Variants in ROCK2 observed in about 807,000 individuals in gnomAD.
ROCK2 encodes Rho associated coiled-coil containing protein kinase 2.
ROCK2 carries 61 observed loss-of-function variants against 195.1 expected under a neutral mutation model. That is an observed-to-expected ratio of 0.31 (90% CI 0.25 to 0.39). ROCK2 has a LOEUF of 0.39. ROCK2 is among the 10% of genes least tolerant of loss of function. The probability of loss-of-function intolerance (pLI) is 1.00; values close to 1 mark genes in which losing one functional copy is unlikely to be tolerated. For synonymous variants in ROCK2, 504 were observed against 545.5 expected, an observed-to-expected ratio of 0.92 and a Z score of 1.06; for missense variants, 1,109 against 1,637.4, an observed-to-expected ratio of 0.68 and a Z score of 5.57.
At chr2:11,236,716 CACAG>C (rs1293272094) in intron 4 of ROCK2, among the ~76,000 whole-genome samples, 5 of 152,114 alleles carry the variant, frequency 3.3e-5, no homozygotes, top group African/African-American at 1.2e-4. Flanking sequence ...ACAAGTCTTC[CACAG>C]ACAAACAGGG....
At chr2:11,217,326 A>G (rs778601709) in intron 11 of ROCK2, 157 bp from the exon 12 acceptor site, 1 of 721,882 alleles carries the variant, frequency 1.4e-6, no homozygotes, top group Admixed American at 1.7e-5. Flanking sequence ...ACTTATATTG[A>G]TAAAAGGAAA....
chr2:11,224,569 A>G, intron 6 of ROCK2, 109 bp from the exon 7 acceptor site: 1 of 933,010 alleles, frequency 1.1e-6, no homozygotes, highest in South Asian at 1.4e-5. Context: ...GCAGGGAAGA[A>G]CAAATATTCT....
chr2:11,208,469 C>A, intron 18 of ROCK2, 22 bp from the exon 19 acceptor site: 1 of 1,372,922 alleles, frequency 7.3e-7, no homozygotes, highest in Admixed American at 2.4e-5. Context: ...AAAATGGACA[C>A]AATCATAAAT....
chr2:11,196,987 T>C (rs1241771301), intron 27 of ROCK2, among the ~76,000 whole-genome samples, 193 bp downstream of exon 27: 2 of 152,216 alleles, frequency 1.3e-5, no homozygotes, highest in African/African-American at 4.8e-5. Flanking sequence ...TTTGTATGTT[T>C]ATGAAAAACT....
At chr2:11,295,810 AGCC>A (rs560515335) in intron 1 of ROCK2, among the ~76,000 whole-genome samples, 233 of 152,110 alleles carry the variant, frequency 1.5e-3, no homozygotes, top group African/African-American at 5.5e-3. Flanking sequence ...TACAAAGATT[AGCC>A]AGGCGTGGTG....
Position 11,220,461 on chromosome 2 carries a change from C to G in ROCK2, c.1259+737G>C, listed in dbSNP as rs376148794. ...ACCACACCTGGCCTCAACATATTTT[C>G]TAATCTTACATCCAATACTCACTTC... On this transcript the variant is annotated intron_variant, in intron 9 of 32. Transcript: ENST00000315872. 3.9e-5 allele frequency among the ~76,000 whole-genome samples: 6 copies of G among 152,140 alleles called. No individual in the cohort carries two copies. In the East Asian group the frequency reaches 9.7e-4, roughly 24 times the overall value.
At chr2:11,297,800 C>T (rs1191664474) in intron 1 of ROCK2, among the ~76,000 whole-genome samples, 1 of 152,026 alleles carries the variant, frequency 6.6e-6, no homozygotes. Flanking sequence ...TCTCTGAGTA[C>T]CTTTATGAAC....
intron 5 of ROCK2, chr2:11,234,422 A>C (rs149308268): frequency 1.3e-5 from 2 of 152,188 alleles, no homozygotes; most frequent in African/African-American, 4.8e-5. Flanking sequence ...TATAGCAGAC[A>C]TAAGTTTAGC....
intron 1 of ROCK2, among the ~76,000 whole-genome samples, chr2:11,312,574 T>C (rs1027221528): frequency 6.6e-6 from 1 of 152,168 alleles, no homozygotes; most frequent in Non-Finnish European, 1.5e-5. Flanking sequence ...GGTTCTTTCA[T>C]TCAGTATAAT....
At chr2:11,196,703 C>A (rs553529341) in intron 27 of ROCK2, among the ~76,000 whole-genome samples, 2 of 152,042 alleles carry the variant, frequency 1.3e-5, no homozygotes, top group South Asian at 4.2e-4. Flanking sequence ...CATTAGGTTC[C>A]GATGAAATGG....
At chr2:11,255,668 C>T (rs1666004507) in intron 3 of ROCK2, among the ~76,000 whole-genome samples, 1 of 150,608 alleles carries the variant, frequency 6.6e-6, no homozygotes, top group Non-Finnish European at 1.5e-5. Context: ...ACCTGTGATC[C>T]CAGCACTTTG....
intron 25 of ROCK2, 40 bp downstream of exon 25, chr2:11,198,451 G>T: frequency 7.3e-7 from 1 of 1,371,764 alleles, no homozygotes; most frequent in South Asian, 1.2e-5. Context: ...GATAAACTGA[G>T]ACAAAATTCA....
At chr2:11,224,113 T>C (rs1047734592) in intron 7 of ROCK2, among the ~76,000 whole-genome samples, 1 of 152,128 alleles carries the variant, frequency 6.6e-6, no homozygotes, top group Non-Finnish European at 1.5e-5. Context: ...AGGGTTAAGG[T>C]TAGAGTTCGA....
rs1664627585 is a variant in ROCK2 at position 11,221,235 on chromosome 2, G to A, written c.1222C>T (p.Leu408=). The change falls in exon 9 of 33, where the codon CTG becomes TTG. Residue 408 remains leucine (L), a synonymous_variant. Coordinates refer to ENST00000315872, the MANE Select transcript of ROCK2 (RefSeq NM_004850.5). The part of the protein sequence containing the change: ...PIPKAFVGNQ[L]PFIGFTYYRE... ...TAGTAGGTAAATCCGATGAAAGGCA[G>A]CTGATTTCCAACAAAAGCTTTAGGA... 6.3e-7 allele frequency: 1 copy of A among 1,582,500 alleles called. No individual in the cohort carries two copies. Among genetic ancestry groups the A allele is most frequent in the African/African-American group, 1.4e-5 (1 of 73,556 alleles).
At chr2:11,206,465 A>C (rs528424639) in intron 20 of ROCK2, among the ~76,000 whole-genome samples, 5 of 152,326 alleles carry the variant, frequency 3.3e-5, no homozygotes, top group East Asian at 1.9e-4. Context: ...CAGAAAAAAA[A>C]CCCACAAAAA....
chr2:11,301,503 G>A (rs752255772), intron 1 of ROCK2, among the ~76,000 whole-genome samples: 15 of 151,986 alleles, frequency 9.9e-5, no homozygotes, highest in South Asian at 4.2e-4. Flanking sequence ...TCTGCTGGGC[G>A]CGGTGGCTCA....
At chr2:11,312,573 A>G (rs527506779) in intron 1 of ROCK2, among the ~76,000 whole-genome samples, 13 of 152,282 alleles carry the variant, frequency 8.5e-5, no homozygotes, top group African/African-American at 3.1e-4. Flanking sequence ...TGGTTCTTTC[A>G]TTCAGTATAA....
At position 11,294,162 on chromosome 2, in the gene ROCK2, A is replaced by C. The variant is rs186984421; in HGVS notation, c.142-6426T>G. Among the ~76,000 whole-genome samples the C allele has an allele frequency of 1.2e-3, 181 of 152,294 alleles. 1 individual carries two copies. Among genetic ancestry groups the C allele is most frequent in the African/African-American group, 3.9e-3 (160 of 41,548 alleles). ...ACAGAGTGAGACTCCCGTCTCAAAA[A>C]AAAATTTAAAAAAAAGTAAGACAAA... On this transcript the variant is annotated intron_variant, in intron 1 of 32. Transcript: ENST00000315872.
At chr2:11,294,034 G>A (rs1252441521) in intron 1 of ROCK2, among the ~76,000 whole-genome samples, 1 of 152,124 alleles carries the variant, frequency 6.6e-6, no homozygotes. Context: ...GCGGGCGCCT[G>A]TAGTCCCAGC....
Sources: allele counts gnomAD v4.1 joint callset (sites outside exome capture counted in the v4.1 genomes callset), GRCh38; gene constraint gnomAD v4.1.1; transcripts MANE v1.5; gene names NCBI Gene and HGNC (gene_info 2026-07-23, HGNC 2026-07-21).